STK36: variants seen among roughly 807,000 people sequenced by gnomAD.
STK36 encodes the protein serine/threonine kinase 36.
A neutral mutation model predicts 142.2 loss-of-function variants in STK36; 116 were observed. That is an observed-to-expected ratio of 0.82 (90% CI 0.70 to 0.95). The LOEUF (loss-of-function observed/expected upper bound fraction) is 0.95, where lower values mean the gene tolerates loss of function less well. Among genes scored for constraint, STK36 ranks in the 40% least tolerant of loss-of-function variants. STK36 has a pLI of 0.00. For missense variants in STK36, 1,422 were observed against 1,617.2 expected, an observed-to-expected ratio of 0.88 and a Z score of 2.07; for synonymous variants, 619 against 641.7, an observed-to-expected ratio of 0.96 and a Z score of 0.53.
Position 218,693,799 on chromosome 2 carries a change from T to G in STK36, c.2225T>G (p.Leu742Arg). Residue 742 changes from leucine to arginine, a missense_variant, in exon 18 of 27, where the codon CTG (leucine) becomes CGG (arginine). Transcript: ENST00000295709. ...LGQEPLALES[L>R]FMLIQGKVKV... ...CAGGAGCCCCTGGCCTTGGAATCCC[T>G]GTTTATGTTGATTCAGGGCAAGGTA... 1 of 1,614,174 alleles carries G rather than the reference T, an allele frequency of 6.2e-7. No homozygotes were observed. Among genetic ancestry groups the G allele is most frequent in the Non-Finnish European group, 8.5e-7 (1 of 1,180,040 alleles).
At chr2:218,680,758 G>A in intron 10 of STK36, 56 bp downstream of exon 10, 2 of 1,486,420 alleles carry the variant, frequency 1.3e-6, no homozygotes, top group South Asian at 2.4e-5. Flanking sequence ...TTAAGTCTAG[G>A]TAGATGTTTT....
At chr2:218,688,272 A>G (rs899367024) in intron 11 of STK36, 3 of 438,294 alleles carry the variant, frequency 6.8e-6, no homozygotes, top group African/African-American at 4.1e-5. Flanking sequence ...TAGTTTGTCA[A>G]CCCTGATCTA....
chr2:218,679,087 C>T, intron 6 of STK36, 81 bp from the exon 7 acceptor site: 3 of 1,355,362 alleles, frequency 2.2e-6, no homozygotes, highest in South Asian at 2.4e-5. Flanking sequence ...ATGTGGGATT[C>T]TTGGTTTGCT....
rs759639879 is a variant in STK36 at position 218,694,309 on chromosome 2, G to A, written c.2382G>A (p.Ser794=). The change falls in exon 20 of 27, where the codon TCG becomes TCA. Residue 794 remains serine (S), a synonymous_variant. Transcript: ENST00000295709. This position sits in a 1 kb window ranked among gnomAD's most constrained non-coding sequence, Gnocchi z 4.4. The part of the protein sequence containing the change: ...GSDVATLFTH[S]HVVSLVSAAA... Reference sequence around the variant, plus strand: ...ACGTTGCTACTCTCTTTACCCATTCGCATGTCGTCTCTCTTGTGGTAAGTT... The same window carrying A: ...ACGTTGCTACTCTCTTTACCCATTCACATGTCGTCTCTCTTGTGGTAAGTT... 1.4e-5 allele frequency: 23 copies of A among 1,613,824 alleles called. No individual in the cohort carries two copies. Among genetic ancestry groups the A allele is most frequent in the African/African-American group, 2.7e-5 (2 of 74,896 alleles).
In STK36 at chr2:218,693,299, C is replaced by T. The variant is rs138596510; in HGVS notation, c.2103C>T (p.Leu701=). The T allele has an allele frequency of 9.9e-5, 160 of 1,614,108 alleles. No homozygotes were observed. Among genetic ancestry groups the T allele is most frequent in the Middle Eastern group, 6.6e-4 (4 of 6,084 alleles). Residue 701 remains leucine, a synonymous_variant, in exon 17 of 27, where the codon CTC becomes CTT. Transcript: ENST00000295709. ...TEDSSQLRPS[L]ISGLQHPILC... ...ACAGCAGCCAGCTCAGGCCATCCCTCATCTCTGGCCTGCAGCATCCCATCC... is the reference window on the plus strand; with the variant it reads ...ACAGCAGCCAGCTCAGGCCATCCCTTATCTCTGGCCTGCAGCATCCCATCC...
Position 218,681,030 on chromosome 2 carries a change from C to T in STK36, c.1236+328C>T, listed in dbSNP as rs1940494179. Among the ~76,000 whole-genome samples, 3 of 152,056 alleles carry T rather than the reference C, an allele frequency of 2.0e-5. No individual in the cohort carries two copies. In the South Asian group the frequency reaches 6.2e-4, roughly 31 times the overall value. On this transcript the variant is annotated intron_variant, in intron 10 of 26. Transcript: ENST00000295709. ...AGGCATTTATAGTTTGCTGTTTTTACATTACTGAGTTTTATTATATGTATT... is the reference window on the plus strand; with the variant it reads ...AGGCATTTATAGTTTGCTGTTTTTATATTACTGAGTTTTATTATATGTATT...
At position 218,693,723 on chromosome 2, in the gene STK36, G is replaced by C; in HGVS notation, c.2149G>C (p.Val717Leu). Residue 717 changes from valine to leucine, a missense_variant and splice_region_variant, in exon 18 of 27, where the codon GTT becomes CTT. Val to Leu is a conservative substitution (Grantham distance 32). Coordinates refer to ENST00000295709, the MANE Select transcript of STK36 (RefSeq NM_015690.5). ...GCCAGACTCCTTCCTTCTCCCTCAG[G>C]TTCTATACTCCTGCTGCCTTGTCAG... Reference protein sequence around the residue: ...HPILCLHLLKVLYSCCLVSEG... With the variant: ...HPILCLHLLKLLYSCCLVSEG... 6.2e-7 allele frequency: 1 copy of C among 1,613,860 alleles called. No individual in the cohort carries two copies. Among genetic ancestry groups the C allele is most frequent in the Middle Eastern group, 1.7e-4 (1 of 5,970 alleles).
intron 17 of STK36, 114 bp downstream of exon 17, chr2:218,693,458 C>A (rs1168120206): frequency 1.9e-6 from 2 of 1,034,040 alleles, no homozygotes; most frequent in Non-Finnish European, 2.8e-6. Context: ...CTGAGAGAGA[C>A]CATTTGAGAC....
At position 218,673,719 on chromosome 2, in the gene STK36, A is replaced by G; in HGVS notation, c.179A>G (p.His60Arg). The change falls in exon 3 of 27, where the codon CAT (histidine) becomes CGT (arginine). Residue 60 changes from histidine to arginine, a missense_variant. Around this residue, in one of 2 missense-constraint regions of STK36, gnomAD observed 460 missense variants for 449.6 expected, o/e 1.02. Coordinates refer to ENST00000295709, the MANE Select transcript of STK36 (RefSeq NM_015690.5). Reference protein sequence around the residue: ...REIEIMRGLRHPNIVHMLDSF... With the variant: ...REIEIMRGLRRPNIVHMLDSF... The stretch of plus-strand genomic sequence containing the variant: ...ATTGAAATAATGCGGGGTCTGCGGC[A>G]TCCCAACATTGTGCATATGCTTGAC... The G allele has an allele frequency of 3.7e-6, 6 of 1,614,238 alleles. No homozygotes were observed. Among genetic ancestry groups the G allele is most frequent in the Non-Finnish European group, 5.1e-6 (6 of 1,180,044 alleles).
At chr2:218,684,549 T>C (rs1331647882) in intron 10 of STK36, among the ~76,000 whole-genome samples, 1 of 148,244 alleles carries the variant, frequency 6.7e-6, no homozygotes, top group Non-Finnish European at 1.5e-5. Context: ...GCCTCCTGAG[T>C]AGCTGGGATT....
chr2:218,690,356 A>C, intron 13 of STK36, 94 bp from the exon 14 acceptor site: 1 of 990,884 alleles, frequency 1.0e-6, no homozygotes, highest in African/African-American at 1.6e-5. Flanking sequence ...GTCCCTTTGC[A>C]GAGATTCTCC....
At chr2:218,673,842 A>C (rs1212230760) in intron 3 of STK36, 37 bp from the exon 4 acceptor site, 1 of 1,614,074 alleles carries the variant, frequency 6.2e-7, no homozygotes, top group Non-Finnish European at 8.5e-7. Context: ...GAATGCATGA[A>C]TCTGGAGCCA....
intron 11 of STK36, among the ~76,000 whole-genome samples, chr2:218,686,166 C>T (rs899206546): frequency 2.0e-5 from 3 of 152,124 alleles, no homozygotes; most frequent in Non-Finnish European, 4.4e-5. Flanking sequence ...GTCTTGAACT[C>T]CTGACCTTGT....
Position 218,693,920 on chromosome 2 carries a change from C to A in STK36, c.2273C>A (p.Ser758Tyr). The change falls in exon 19 of 27, where the codon TCT (serine) becomes TAT (tyrosine). Residue 758 changes from serine to tyrosine, a missense_variant. Ser to Tyr is a moderately radical substitution (Grantham distance 144). Transcript: ENST00000295709. ...GKVKVVDWEE[S>Y]TEVTLYFLSL... Reference sequence around the variant, plus strand: ...GTAAAAGTAGTAGATTGGGAAGAGTCTACTGAAGTGACACTCTACTTCCTC... The same window carrying A: ...GTAAAAGTAGTAGATTGGGAAGAGTATACTGAAGTGACACTCTACTTCCTC... The A allele has an allele frequency of 6.2e-7, 1 of 1,614,256 alleles. No homozygotes were observed. The highest frequency in any genetic ancestry group is 8.5e-7 in the Non-Finnish European group (1 of 1,180,032).
rs372490459 is a variant in STK36, at chr2:218,679,553, C to T, written c.779-7C>T. 5.4e-5 allele frequency: 87 copies of T among 1,612,486 alleles called. 1 individual carries two copies. In the East Asian group the frequency reaches 1.8e-3, roughly 33 times the overall value. On this transcript the variant is annotated splice_region_variant and splice_polypyrimidine_tract_variant and intron_variant, in intron 7 of 26. Coordinates refer to ENST00000295709, the MANE Select transcript of STK36 (RefSeq NM_015690.5). ...GATCATGTCTTCCTCCTCTTCCCTC[C>T]CTGCAGTAATAACTGAGCCAGCAGG...
At chr2:218,677,968 T>A (rs1220800419) in intron 6 of STK36, among the ~76,000 whole-genome samples, 3 of 152,190 alleles carry the variant, frequency 2.0e-5, no homozygotes, top group Non-Finnish European at 4.4e-5. Flanking sequence ...TTTTTTGTAA[T>A]TTTTAGTAGA....
rs1941024601 is a variant in STK36 at position 218,692,140 on chromosome 2, T to C, written c.1765-3T>C. ...ATGCTACCTCTGCACTTCTCTCCTT[T>C]AGTGCTTTACTGTCCTGTGCGAAGC... On this transcript the variant is annotated splice_polypyrimidine_tract_variant and splice_region_variant and intron_variant, in intron 14 of 26. Coordinates refer to ENST00000295709, the MANE Select transcript of STK36 (RefSeq NM_015690.5). 6.2e-7 allele frequency: 1 copy of C among 1,613,810 alleles called. No individual in the cohort carries two copies. Among genetic ancestry groups the C allele is most frequent in the African/African-American group, 1.3e-5 (1 of 74,908 alleles).
chr2:218,676,326 C>G (rs1463768713), intron 6 of STK36, 48 bp downstream of exon 6: 46 of 1,601,666 alleles, frequency 2.9e-5, no homozygotes, highest in Non-Finnish European at 3.7e-5. Flanking sequence ...AAATCTGTCT[C>G]CCTCTATCTC....
At position 218,679,627 on chromosome 2, in the gene STK36, GGTCC is replaced by G; in HGVS notation, c.847_850del (p.Val283Ter). On this transcript the variant is annotated frameshift_variant, in exon 8 of 27. Coordinates refer to ENST00000295709, the MANE Select transcript of STK36 (RefSeq NM_015690.5). LOFTEE classifies it high-confidence loss of function. Reference sequence around the variant, plus strand: ...CCAGCCGCCTACCCCCAGAACTTCAGGTCCTAAAGGACGAACAGGCCCATCGGTT... The same window carrying G: ...CCAGCCGCCTACCCCCAGAACTTCAGTAAAGGACGAACAGGCCCATCGGTT... 1 of 1,614,152 alleles carries G rather than the reference GGTCC, an allele frequency of 6.2e-7. No individual in the cohort carries two copies. The highest frequency in any genetic ancestry group is 8.5e-7 in the Non-Finnish European group (1 of 1,180,038).
Sources: allele counts gnomAD v4.1 joint callset (sites outside exome capture counted in the v4.1 genomes callset), GRCh38; gene constraint gnomAD v4.1.1; regional missense constraint gnomAD v4.1.1; non-coding constraint Gnocchi (gnomAD v3.1); transcripts MANE v1.5; gene names NCBI Gene and HGNC (gene_info 2026-07-23, HGNC 2026-07-21).